DOCK3: variants seen among roughly 807,000 people sequenced by gnomAD.
DOCK3 encodes the protein dedicator of cytokinesis 3, also known as dedicator of cytokinesis protein 3.
DOCK3 carries 60 observed loss-of-function variants against 265.6 expected under a neutral mutation model. That is an observed-to-expected ratio of 0.23 (90% CI 0.18 to 0.28). DOCK3 has a LOEUF of 0.28. Among genes scored for constraint, DOCK3 ranks in the 10% least tolerant of loss-of-function variants. DOCK3 has a pLI of 1.00. For missense variants in DOCK3, 1,981 were observed against 2,594.3 expected, an observed-to-expected ratio of 0.76 and a Z score of 5.14; for synonymous variants, 881 against 938.0, an observed-to-expected ratio of 0.94 and a Z score of 1.11.
At chr3:51,126,467 T>A (rs549997890) in intron 9 of DOCK3, among the ~76,000 whole-genome samples, 2 of 152,332 alleles carry the variant, frequency 1.3e-5, no homozygotes, top group South Asian at 4.1e-4. Context: ...ATGGGTGTGA[T>A]TAGCAAAACA....
intron 10 of DOCK3, 131 bp from the exon 11 acceptor site, chr3:51,159,113 A>G: frequency 1.5e-6 from 1 of 681,084 alleles, no homozygotes; most frequent in Non-Finnish European, 2.4e-6. Flanking sequence ...AAACCATTAA[A>G]GTGCTATATG....
At chr3:50,937,988 C>G (rs2051484817) in intron 5 of DOCK3, among the ~76,000 whole-genome samples, 1 of 151,782 alleles carries the variant, frequency 6.6e-6, no homozygotes, top group African/African-American at 2.4e-5. Context: ...TCACTTCAAA[C>G]TCACTTGTCT....
intron 12 of DOCK3, among the ~76,000 whole-genome samples, chr3:51,202,041 A>G (rs1214283467): frequency 6.6e-6 from 1 of 152,222 alleles, no homozygotes; most frequent in African/African-American, 2.4e-5. Context: ...AGGGAAATTT[A>G]TAGCATTCAA....
intron 3 of DOCK3, among the ~76,000 whole-genome samples, chr3:50,863,087 C>G (rs755695057): frequency 6.6e-6 from 1 of 152,144 alleles, no homozygotes; most frequent in Non-Finnish European, 1.5e-5. Flanking sequence ...CTTTGGTGGG[C>G]TGCACTTCCC....
At chr3:50,701,127 GTT>G (rs372596576) in intron 1 of DOCK3, among the ~76,000 whole-genome samples, 21 of 113,450 alleles carry the variant, frequency 1.9e-4, no homozygotes, top group Non-Finnish European at 2.2e-4. Flanking sequence ...TGTGGCCCTT[GTT>G]TTTTTTTTTT....
Position 51,277,619 on chromosome 3 carries a change from C to T in DOCK3, c.2688C>T (p.Val896=). Residue 896 remains valine, a synonymous_variant, in exon 26 of 53, where the codon GTC becomes GTT. Coordinates refer to ENST00000266037, the MANE Select transcript of DOCK3 (RefSeq NM_004947.5). ...GCTGCTCGCTCCAGGAGGCAGATGTCATGGAGGAAGTAGAGATGATGGTGG... is the reference window on the plus strand; with the variant it reads ...GCTGCTCGCTCCAGGAGGCAGATGTTATGGAGGAAGTAGAGATGATGGTGG... The part of the protein sequence containing the change: ...IVKTSSLEAD[V]MEEVEMMVES... 1 of 1,552,352 alleles carries T rather than the reference C, an allele frequency of 6.4e-7. No individual in the cohort carries two copies. The highest frequency in any genetic ancestry group is 1.4e-5 in the African/African-American group (1 of 72,700).
intron 10 of DOCK3, among the ~76,000 whole-genome samples, chr3:51,149,753 T>C (rs1270395536): frequency 6.6e-6 from 1 of 152,250 alleles, no homozygotes; most frequent in African/African-American, 2.4e-5. Flanking sequence ...AGTATTTTAT[T>C]GAGGATTTTT....
intron 1 of DOCK3, among the ~76,000 whole-genome samples, chr3:50,697,531 C>T (rs548553766): frequency 6.6e-6 from 1 of 152,278 alleles, no homozygotes; most frequent in East Asian, 1.9e-4. Flanking sequence ...GCGGAGGTTG[C>T]AGTGAGCCGA....
chr3:50,738,157 A>C (rs1275403835), intron 1 of DOCK3, among the ~76,000 whole-genome samples: 1 of 152,072 alleles, frequency 6.6e-6, no homozygotes, highest in Non-Finnish European at 1.5e-5. Flanking sequence ...TGCTTTGGTC[A>C]GCGGGTGGGT....
intron 9 of DOCK3, among the ~76,000 whole-genome samples, chr3:51,123,567 T>A (rs2084130411): frequency 6.6e-6 from 1 of 152,212 alleles, no homozygotes; most frequent in South Asian, 2.1e-4. Context: ...TGGAGGAATC[T>A]ACACACAAGC....
At chr3:51,214,861 C>G (rs989925165) in intron 14 of DOCK3, among the ~76,000 whole-genome samples, 1 of 152,030 alleles carries the variant, frequency 6.6e-6, no homozygotes, top group Non-Finnish European at 1.5e-5. Flanking sequence ...AACTGTGGTC[C>G]CAGTAGGTCA....
At chr3:51,305,604 T>C (rs922207919) in intron 27 of DOCK3, among the ~76,000 whole-genome samples, 11 of 152,190 alleles carry the variant, frequency 7.2e-5, no homozygotes, top group Middle Eastern at 3.4e-3. Context: ...CATTTTGCTA[T>C]GTGCTTTATA....
intron 38 of DOCK3, among the ~76,000 whole-genome samples, chr3:51,345,885 C>T (rs1481448654): frequency 2.0e-5 from 3 of 151,970 alleles, no homozygotes; most frequent in African/African-American, 4.8e-5. Context: ...AAATATTTAC[C>T]GGTGAAATTA....
intron 12 of DOCK3, among the ~76,000 whole-genome samples, chr3:51,167,075 A>C (rs556780439): frequency 6.6e-6 from 1 of 152,264 alleles, no homozygotes; most frequent in East Asian, 1.9e-4. Context: ...GTTTTCTCCT[A>C]GTTTTACAGT....
rs142900592 is a variant in DOCK3 at position 51,200,680 on chromosome 3, A to T, written c.1038-8094A>T. 8.9e-3 allele frequency among the ~76,000 whole-genome samples: 1,360 copies of T among 152,008 alleles called. 26 individuals are homozygous for T. Among genetic ancestry groups the T allele is most frequent in the African/African-American group, 0.029 (1,212 of 41,402 alleles). On this transcript the variant is annotated intron_variant, in intron 12 of 52. Coordinates refer to ENST00000266037, the MANE Select transcript of DOCK3 (RefSeq NM_004947.5). ...TCAGGAAATAGACAGAGAACGCCACAAAGATTCTCCTCGAGAAGAGCAACT... is the reference window on the plus strand; with the variant it reads ...TCAGGAAATAGACAGAGAACGCCACTAAGATTCTCCTCGAGAAGAGCAACT...
At chr3:51,051,591 T>C (rs2080996134) in intron 5 of DOCK3, among the ~76,000 whole-genome samples, 2 of 152,186 alleles carry the variant, frequency 1.3e-5, no homozygotes, top group South Asian at 4.1e-4. Context: ...TTGCCTAAGG[T>C]ACTGTAGTTG....
intron 49 of DOCK3, among the ~76,000 whole-genome samples, chr3:51,364,574 A>C (rs2086991930): frequency 1.3e-5 from 2 of 152,186 alleles, no homozygotes; most frequent in African/African-American, 4.8e-5. Flanking sequence ...CTATGTCCTG[A>C]ATGGTATTGC....
intron 1 of DOCK3, among the ~76,000 whole-genome samples, chr3:50,684,750 C>T (rs2034657353): frequency 6.6e-6 from 1 of 152,172 alleles, no homozygotes; most frequent in Non-Finnish European, 1.5e-5. Flanking sequence ...CAAGGTTAAA[C>T]CTTTAAGAGC....
intron 1 of DOCK3, among the ~76,000 whole-genome samples, chr3:50,742,739 C>T (rs1308458699): frequency 3.9e-5 from 6 of 151,992 alleles, no homozygotes; most frequent in African/African-American, 7.3e-5. Context: ...CTGAAAGTGA[C>T]GGGGAGAATG....
Sources: allele counts gnomAD v4.1 joint callset (sites outside exome capture counted in the v4.1 genomes callset), GRCh38; gene constraint gnomAD v4.1.1; transcripts MANE v1.5; gene names NCBI Gene and HGNC (gene_info 2026-07-23, HGNC 2026-07-21).